LRP1B: variants seen among roughly 807,000 people sequenced by gnomAD.
LRP1B encodes the protein LDL receptor related protein 1B.
A neutral mutation model predicts 556.6 loss-of-function variants in LRP1B; 217 were observed. The observed-to-expected ratio is 0.39, with a 90% CI of 0.35 to 0.44. The LOEUF (loss-of-function observed/expected upper bound fraction) is 0.44. Ranked by LOEUF, LRP1B falls within the 20% of genes least tolerant of loss-of-function variation. The pLI is 1.00. For missense variants in LRP1B, 5,053 were observed against 5,620.8 expected, an observed-to-expected ratio of 0.90 and a Z score of 3.23; for synonymous variants, 2,047 against 1,865.8, an observed-to-expected ratio of 1.10 and a Z score of -2.50.
chr2:140,485,386 T>G lies in LRP1B; in HGVS notation c.9382A>C (p.Arg3128=), dbSNP rs763848575. 3 of 1,612,698 alleles carry G rather than the reference T, an allele frequency of 1.9e-6. No individual in the cohort carries two copies. The highest frequency in any genetic ancestry group is 2.7e-5 in the African/African-American group (2 of 74,990). ...GLYPTILVSK[R]LKFPRDLSLD... is the part of the protein sequence containing the mutation. ...GACAAGTCTCTGGGAAACTTCAGCC[T>G]TTTGCTAACGAGTATAGTAGGGTAC... Residue 3128 remains arginine, a synonymous_variant, in exon 59 of 91, where the codon AGG becomes CGG. Coordinates refer to ENST00000389484, the MANE Select transcript of LRP1B (RefSeq NM_018557.3).
At chr2:141,286,887 A>C (rs1685743114) in intron 3 of LRP1B, 1 of 293,538 alleles carries the variant, frequency 3.4e-6, no homozygotes, top group African/African-American at 2.2e-5. Context: ...GGCATTGCCC[A>C]ATCTGGTAAC....
intron 3 of LRP1B, among the ~76,000 whole-genome samples, chr2:141,442,348 C>A (rs1186480363): frequency 2.0e-5 from 3 of 150,378 alleles, no homozygotes; most frequent in African/African-American, 7.3e-5. Flanking sequence ...AGATAAATAA[C>A]AAAAATTCAT....
rs576431322 is a variant in LRP1B, at chr2:141,804,248, TC to T, written c.205+6030del. ...ATTCAAAGAAATGTATACTCTGCTTTCCCTAACAAGAGCTAACATAGAAGGG... is the reference window on the plus strand; with the variant it reads ...ATTCAAAGAAATGTATACTCTGCTTTCCTAACAAGAGCTAACATAGAAGGG... On this transcript the variant is annotated intron_variant, in intron 2 of 90. Transcript: ENST00000389484. 2.0e-5 allele frequency among the ~76,000 whole-genome samples: 3 copies of T among 152,230 alleles called. No individual in the cohort carries two copies. In the East Asian group the frequency reaches 5.8e-4, roughly 29 times the overall value.
At chr2:140,666,235 T>C (rs932077217) in intron 41 of LRP1B, among the ~76,000 whole-genome samples, 4 of 151,908 alleles carry the variant, frequency 2.6e-5, no homozygotes, top group African/African-American at 9.7e-5. Context: ...CCTCGTTATC[T>C]ATCTGACTTA....
chr2:141,054,394 G>A (rs988636765), intron 10 of LRP1B, among the ~76,000 whole-genome samples: 6 of 151,772 alleles, frequency 4.0e-5, no homozygotes, highest in African/African-American at 7.3e-5. Flanking sequence ...AATCAGGGCC[G>A]TTCTACTATA....
chr2:140,465,728 A>AAAAAAAAAAAAAAAAAG (rs1212346708), intron 60 of LRP1B, among the ~76,000 whole-genome samples: 14 of 151,614 alleles, frequency 9.2e-5, no homozygotes, highest in African/African-American at 3.2e-4. Flanking sequence ...TGCAAAAAAA[A>AAAAAAAAAAAAAAAAAG]AAAAAAGAAA....
At chr2:141,016,265 A>G (rs1055803355) in intron 12 of LRP1B, among the ~76,000 whole-genome samples, 1 of 152,088 alleles carries the variant, frequency 6.6e-6, no homozygotes, top group Non-Finnish European at 1.5e-5. Context: ...ACTATTTTAA[A>G]TGTTGTCCAC....
At chr2:140,874,958 C>T (rs1344997762) in intron 25 of LRP1B, among the ~76,000 whole-genome samples, 2 of 151,324 alleles carry the variant, frequency 1.3e-5, no homozygotes, top group African/African-American at 4.9e-5. Context: ...GCAGAGGTTG[C>T]AGTGAGCTGA....
chr2:141,113,221 A>C lies in LRP1B; in HGVS notation c.1014-50948T>G, dbSNP rs144669858. Among the ~76,000 whole-genome samples, 1,161 of 152,282 alleles carry C rather than the reference A, an allele frequency of 7.6e-3. 13 individuals are homozygous for C. Among genetic ancestry groups the C allele is most frequent in the African/African-American group, 0.027 (1,102 of 41,560 alleles). On this transcript the variant is annotated intron_variant, in intron 7 of 90. Coordinates refer to ENST00000389484, the MANE Select transcript of LRP1B (RefSeq NM_018557.3). ...GCAAGAAATTGCTGGCAAGAAAAAA[A>C]TCTCTATCAAAGCACACAGTGAACC...
chr2:140,792,788 A>G (rs952191212), intron 32 of LRP1B, among the ~76,000 whole-genome samples: 5 of 152,162 alleles, frequency 3.3e-5, no homozygotes, highest in Non-Finnish European at 5.9e-5. Flanking sequence ...AAATGACAGA[A>G]TATGTATAGT....
chr2:141,106,464 G>A (rs1346039374), intron 7 of LRP1B, among the ~76,000 whole-genome samples: 1 of 152,112 alleles, frequency 6.6e-6, no homozygotes, highest in Non-Finnish European at 1.5e-5. Flanking sequence ...AATTTCAGCA[G>A]AGTGAAGATC....
At chr2:140,296,797 A>C (rs1227962300) in intron 84 of LRP1B, among the ~76,000 whole-genome samples, 1 of 152,172 alleles carries the variant, frequency 6.6e-6, no homozygotes, top group Non-Finnish European at 1.5e-5. Context: ...AATTAACTTG[A>C]CTTTCATAAA....
chr2:140,745,824 C>T (rs926884580), intron 35 of LRP1B, among the ~76,000 whole-genome samples: 1 of 152,116 alleles, frequency 6.6e-6, no homozygotes, highest in Non-Finnish European at 1.5e-5. Flanking sequence ...CTTGTATTAG[C>T]TTATGGATTA....
chr2:141,135,433 A>G (rs1701467476), intron 7 of LRP1B, among the ~76,000 whole-genome samples: 1 of 151,994 alleles, frequency 6.6e-6, no homozygotes, highest in African/African-American at 2.4e-5. Context: ...GCTACAACTG[A>G]AAACAATGAA....
intron 2 of LRP1B, among the ~76,000 whole-genome samples, chr2:141,636,552 T>A (rs2105356473): frequency 6.6e-6 from 1 of 152,242 alleles, no homozygotes; most frequent in Admixed American, 6.5e-5. Context: ...AATTATGTAA[T>A]TTTTTTGGCA....
rs936754348 is a variant in LRP1B at position 140,283,826 on chromosome 2, G to A, written c.12968-9228C>T. ...TTCATAATTTTTGTTTATAAACAGT[G>A]TTTTGGGTTGAGTAGTTCTTTATTT... is the stretch of plus-strand genomic sequence containing the variant. On this transcript the variant is annotated intron_variant, in intron 84 of 90. Coordinates refer to ENST00000389484, the MANE Select transcript of LRP1B (RefSeq NM_018557.3). 4.6e-5 allele frequency among the ~76,000 whole-genome samples: 7 copies of A among 151,880 alleles called. No homozygotes were observed. In the South Asian group the frequency reaches 8.3e-4, roughly 18 times the overall value.
At chr2:140,972,942 TG>T (rs1696476039) in intron 18 of LRP1B, among the ~76,000 whole-genome samples, 1 of 44,326 alleles carries the variant, frequency 2.3e-5, no homozygotes, top group African/African-American at 5.3e-5. Flanking sequence ...TGCAGCTTTT[TG>T]ATATATATAT....
At chr2:141,350,223 G>C (rs1448642808) in intron 3 of LRP1B, among the ~76,000 whole-genome samples, 1 of 151,896 alleles carries the variant, frequency 6.6e-6, no homozygotes, top group East Asian at 1.9e-4. Flanking sequence ...AACCATATCA[G>C]CTGTGTAAAG....
In LRP1B at chr2:141,328,263, G is replaced by A. The variant is rs76007225; in HGVS notation, c.344-73622C>T. Reference sequence around the variant, plus strand: ...ATCTTAACTTTCTCAGCTGTAACCTGTGACAGAATACTCAATCTCTATACC... The same window carrying A: ...ATCTTAACTTTCTCAGCTGTAACCTATGACAGAATACTCAATCTCTATACC... On this transcript the variant is annotated intron_variant, in intron 3 of 90. Transcript: ENST00000389484. Among the ~76,000 whole-genome samples the A allele has an allele frequency of 6.1e-3, 923 of 152,256 alleles. 5 individuals carry two copies. Among genetic ancestry groups the A allele is most frequent in the African/African-American group, 0.02 (841 of 41,526 alleles).
Sources: gnomAD v4.1 joint callset for allele counts (sites outside exome capture counted in the v4.1 genomes callset) on GRCh38, gnomAD v4.1.1 for gene constraint, MANE v1.5 for transcripts, NCBI Gene and HGNC (gene_info 2026-07-23, HGNC 2026-07-21) for gene names.